Variants in TSHZ2 observed in about 807,000 individuals in gnomAD.
TSHZ2 encodes teashirt homolog 2.
A neutral mutation model predicts 74.4 loss-of-function variants in TSHZ2; 21 were observed. That is an observed-to-expected ratio of 0.28 (90% CI 0.20 to 0.41). The LOEUF (loss-of-function observed/expected upper bound fraction) is 0.41, where lower values mean the gene tolerates loss of function less well. TSHZ2 is among the 10% of genes least tolerant of loss of function. The pLI is 1.00. For missense variants in TSHZ2, 1,244 were observed against 1,293.5 expected, an observed-to-expected ratio of 0.96 and a Z score of 0.59; for synonymous variants, 540 against 515.3, an observed-to-expected ratio of 1.05 and a Z score of -0.65.
intron 2 of TSHZ2, among the ~76,000 whole-genome samples, chr20:53,443,592 G>A (rs1193758841): frequency 2.0e-5 from 3 of 152,152 alleles, no homozygotes; most frequent in African/African-American, 7.2e-5. Context: ...CGATCTTCAG[G>A]TATCATCTGT....
At chr20:53,050,995 C>G (rs542101779) in intron 1 of TSHZ2, among the ~76,000 whole-genome samples, 1 of 152,262 alleles carries the variant, frequency 6.6e-6, no homozygotes, top group Admixed American at 6.5e-5. Context: ...TGCAGATCTC[C>G]AAGTGGGAAC....
intron 2 of TSHZ2, among the ~76,000 whole-genome samples, chr20:53,352,232 C>CTTTT (rs142220716): frequency 1.7e-5 from 1 of 57,868 alleles, no homozygotes; most frequent in Non-Finnish European, 3.1e-5. Context: ...CTCCTAAGCT[C>CTTTT]TTTTTTTTTT....
chr20:53,340,408 A>T (rs375690627), intron 2 of TSHZ2, among the ~76,000 whole-genome samples: 3 of 151,196 alleles, frequency 2.0e-5, no homozygotes, highest in East Asian at 2.0e-4. Context: ...ATGGTCTCTA[A>T]CTCCTGACCT....
intron 2 of TSHZ2, among the ~76,000 whole-genome samples, chr20:53,262,593 T>A (rs1271047084): frequency 6.6e-6 from 1 of 152,198 alleles, no homozygotes; most frequent in Non-Finnish European, 1.5e-5. Context: ...TAAAAATGAC[T>A]CAACTTGATG....
At chr20:53,207,295 A>G (rs1380000505) in intron 1 of TSHZ2, among the ~76,000 whole-genome samples, 1 of 152,166 alleles carries the variant, frequency 6.6e-6, no homozygotes, top group Non-Finnish European at 1.5e-5. Flanking sequence ...ATGAGATCAG[A>G]GAAATCACAG....
intron 1 of TSHZ2, among the ~76,000 whole-genome samples, chr20:53,061,157 G>A (rs1368689955): frequency 2.6e-5 from 4 of 152,154 alleles, no homozygotes; most frequent in Non-Finnish European, 5.9e-5. Context: ...AACCCTGAAC[G>A]TTTTTTGAAG....
intron 2 of TSHZ2, among the ~76,000 whole-genome samples, chr20:53,383,502 G>A (rs559601215): frequency 6.6e-6 from 1 of 152,078 alleles, no homozygotes; most frequent in South Asian, 2.1e-4. Flanking sequence ...GCTCATGCCT[G>A]TAATCTCAGC....
chr20:53,126,692 G>A (rs887738760), intron 1 of TSHZ2, among the ~76,000 whole-genome samples: 1 of 152,168 alleles, frequency 6.6e-6, no homozygotes, highest in Non-Finnish European at 1.5e-5. Context: ...TTGGTGGACA[G>A]CAGTAGATCT....
At chr20:53,081,130 C>T (rs1985521244) in intron 1 of TSHZ2, among the ~76,000 whole-genome samples, 1 of 152,212 alleles carries the variant, frequency 6.6e-6, no homozygotes, top group African/African-American at 2.4e-5. Flanking sequence ...GTCCTCCTGC[C>T]TCAGCCTCCC....
At chr20:53,022,695 C>T (rs2123037065) in intron 1 of TSHZ2, among the ~76,000 whole-genome samples, 1 of 152,320 alleles carries the variant, frequency 6.6e-6, no homozygotes, top group South Asian at 2.1e-4. Flanking sequence ...CCCAGGTATA[C>T]AGACAATAAT....
chr20:53,222,478 G>C (rs985231736), intron 1 of TSHZ2, among the ~76,000 whole-genome samples: 1 of 152,186 alleles, frequency 6.6e-6, no homozygotes, highest in African/African-American at 2.4e-5. Flanking sequence ...TGAAGAAGGC[G>C]TGCCACTCTA....
chr20:53,434,352 G>A (rs1600635579), intron 2 of TSHZ2, among the ~76,000 whole-genome samples: 1 of 152,216 alleles, frequency 6.6e-6, no homozygotes, highest in South Asian at 2.1e-4. Context: ...TGGAAGAGGT[G>A]GATCTAGACC....
intron 2 of TSHZ2, among the ~76,000 whole-genome samples, chr20:53,288,490 G>A (rs979020100): frequency 2.0e-5 from 3 of 151,922 alleles, no homozygotes; most frequent in Non-Finnish European, 4.4e-5. Context: ...TAGAAGTCTA[G>A]TTTTCTCACA....
intron 1 of TSHZ2, among the ~76,000 whole-genome samples, chr20:53,210,084 C>G (rs919977307): frequency 3.3e-5 from 5 of 152,228 alleles, no homozygotes; most frequent in Admixed American, 3.3e-4. Context: ...CGTCGCAGGA[C>G]GTGAGACAGG....
chr20:53,128,681 G>A (rs983920595), intron 1 of TSHZ2, among the ~76,000 whole-genome samples: 3 of 151,960 alleles, frequency 2.0e-5, no homozygotes, highest in African/African-American at 7.3e-5. Flanking sequence ...GAGTACAGTG[G>A]TGCAATCTCA....
rs1269043658 is a variant in TSHZ2, at chr20:52,981,687, G to T, written c.40+8354G>T. 2.6e-5 allele frequency among the ~76,000 whole-genome samples: 4 copies of T among 152,338 alleles called. No homozygotes were observed. In the East Asian group the frequency reaches 7.7e-4, roughly 29 times the overall value. ...TGTTTTAGCCTCTTCTCCTGAGGCAGACTCATTCTGGGCTGTTTGGAGTCC... is the reference window on the plus strand; with the variant it reads ...TGTTTTAGCCTCTTCTCCTGAGGCATACTCATTCTGGGCTGTTTGGAGTCC... On this transcript the variant is annotated intron_variant, in intron 1 of 2. Coordinates refer to ENST00000371497, the MANE Select transcript of TSHZ2 (RefSeq NM_173485.6).
At chr20:53,215,580 A>G (rs999231881) in intron 1 of TSHZ2, among the ~76,000 whole-genome samples, 5 of 151,008 alleles carry the variant, frequency 3.3e-5, no homozygotes, top group African/African-American at 1.2e-4. Flanking sequence ...TAAAAATGTA[A>G]GAAAGGCTGG....
chr20:53,340,268 C>T (rs974456892), intron 2 of TSHZ2, among the ~76,000 whole-genome samples: 1 of 144,158 alleles, frequency 6.9e-6, no homozygotes, highest in Non-Finnish European at 1.5e-5. Flanking sequence ...CTGCAAACTC[C>T]GCCTCCCAAG....
chr20:53,183,119 C>A (rs1988520733), intron 1 of TSHZ2, among the ~76,000 whole-genome samples: 1 of 152,112 alleles, frequency 6.6e-6, no homozygotes, highest in South Asian at 2.1e-4. Context: ...GAGAAAGGAC[C>A]CTTCCCCTGG....
Sources: gnomAD v4.1 joint callset for allele counts (sites outside exome capture counted in the v4.1 genomes callset) on GRCh38, gnomAD v4.1.1 for gene constraint, MANE v1.5 for transcripts, NCBI Gene and HGNC (gene_info 2026-07-23, HGNC 2026-07-21) for gene names.